Variants in LTBP2 observed in about 807,000 individuals in gnomAD.
The protein encoded by LTBP2 is latent transforming growth factor beta binding protein 2.
Under a neutral mutation model 210.6 loss-of-function variants are expected in LTBP2, and 103 were observed. That is an observed-to-expected ratio of 0.49 (90% CI 0.42 to 0.58). The LOEUF (loss-of-function observed/expected upper bound fraction) is 0.58. Ranked by LOEUF, LTBP2 falls within the 20% of genes least tolerant of loss-of-function variation. LTBP2 has a pLI of 0.00. For missense variants in LTBP2, 2,313 were observed against 2,494.5 expected (o/e 0.93, Z 1.55); for synonymous variants, 1,007 against 1,015.0 (o/e 0.99, Z 0.15).
At chr14:74,602,812 G>C (rs539232075) in intron 2 of LTBP2, among the ~76,000 whole-genome samples, 2 of 152,340 alleles carry the variant, frequency 1.3e-5, no homozygotes, top group South Asian at 2.1e-4. Flanking sequence ...AGCAGTCCAA[G>C]GGGAGACGGC....
In LTBP2 at chr14:74,551,124, T is replaced by C. The variant is rs1399901596; in HGVS notation, c.1626A>G (p.Pro542=). The C allele has an allele frequency of 6.2e-7, 1 of 1,613,866 alleles. No homozygotes were observed. The highest frequency in any genetic ancestry group is 8.5e-7 in the Non-Finnish European group (1 of 1,180,014). The part of the protein sequence containing the change: ...RSGEPPRPLP[P]AAPRPRGLLG... ...GCAGTCCTCGAGGCCTGGGTGCTGCTGGGGGCAGTGGCCGAGGGGGCTCTC... is the reference window on the plus strand; with the variant it reads ...GCAGTCCTCGAGGCCTGGGTGCTGCCGGGGGCAGTGGCCGAGGGGGCTCTC... The change falls in exon 7 of 36, where the codon CCA becomes CCG. Residue 542 remains proline, a synonymous_variant. Transcript: ENST00000261978.
rs2087208651 is a variant in LTBP2, at chr14:74,521,948, G to A, written c.2751C>T (p.Tyr917=). The change falls in exon 17 of 36, where the codon TAC becomes TAT. Residue 917 remains tyrosine, a synonymous_variant. Transcript: ENST00000261978. The part of the protein sequence containing the change: ...GSYSCFCYPG[Y]TLATSGATQE... ...GTGTCGCCCCTGAGGTGGCCAGAGT[G>A]TAGCCAGGGTAGCAGAAGCAGGAGT... The A allele has an allele frequency of 3.1e-6, 5 of 1,614,198 alleles. No homozygotes were observed. Among genetic ancestry groups the A allele is most frequent in the Non-Finnish European group, 1.7e-6 (2 of 1,180,018 alleles).
intron 8 of LTBP2, among the ~76,000 whole-genome samples, chr14:74,536,965 A>G (rs1277914530): frequency 6.6e-6 from 1 of 152,226 alleles, no homozygotes; most frequent in Non-Finnish European, 1.5e-5. Context: ...TATTACATAT[A>G]GTATCTACTA....
At chr14:74,523,826 A>G (rs770666082) in intron 15 of LTBP2, among the ~76,000 whole-genome samples, 15 of 151,316 alleles carry the variant, frequency 9.9e-5, no homozygotes, top group Non-Finnish European at 1.6e-4. Flanking sequence ...AGCTTGGGAG[A>G]AGCCGAAGAC....
At position 74,501,550 on chromosome 14, in the gene LTBP2, G is replaced by A. The variant is rs777241198; in HGVS notation, c.5211C>T (p.Cys1737=). 2.3e-5 allele frequency: 37 copies of A among 1,614,046 alleles called. No homozygotes were observed. Among genetic ancestry groups the A allele is most frequent in the African/African-American group, 4.0e-5 (3 of 74,936 alleles). ...CATTCTCACAGCCGTTCAGGATGCC[G>A]CACTCCTCCGCCTGAAGCCCTTCGA... ...AGFEGLQAEE[C]GILNGCENGR... is the part of the protein sequence containing the mutation. Residue 1737 remains cysteine, a synonymous_variant, in exon 35 of 36, where the codon TGC becomes TGT. Coordinates refer to ENST00000261978, the MANE Select transcript of LTBP2 (RefSeq NM_000428.3).
intron 3 of LTBP2, among the ~76,000 whole-genome samples, chr14:74,567,457 G>A (rs1466788815): frequency 6.6e-6 from 1 of 152,146 alleles, no homozygotes; most frequent in Admixed American, 6.5e-5. Flanking sequence ...GCCACCTCAG[G>A]GGCAGAGGCG....
chr14:74,506,553 TG>T, intron 27 of LTBP2, 144 bp downstream of exon 27: 4 of 1,348,330 alleles, frequency 3.0e-6, no homozygotes, highest in Non-Finnish European at 4.2e-6. Context: ...GGCGAGGAGT[TG>T]AAGTCTCCCT....
At chr14:74,609,523 G>T (rs1036110954) in intron 1 of LTBP2, among the ~76,000 whole-genome samples, 1 of 151,990 alleles carries the variant, frequency 6.6e-6, no homozygotes, top group Non-Finnish European at 1.5e-5. Context: ...ATGTCTCTAG[G>T]TTCCCCTACA....
Position 74,508,933 on chromosome 14 carries a change from G to T in LTBP2, c.3423C>A (p.Asp1141Glu), listed in dbSNP as rs745791013. 4.0e-5 allele frequency: 64 copies of T among 1,613,550 alleles called. No homozygotes were observed. The Admixed American group carries it at 4.3e-4, about 11-fold the overall frequency. Reference protein sequence around the residue: ...DSCEDVDECEDPQSSCLGGEC... With the variant: ...DSCEDVDECEEPQSSCLGGEC... ...CGCCTCCCAGGCAGCTGCTCTGGGG[G>T]TCTTCACATTCATCCACATCTGCAG... Residue 1141 changes from aspartate (D) to glutamate (E), a missense_variant, in exon 23 of 36, where the codon GAC becomes GAA. By Grantham distance (45) the Asp-to-Glu change is conservative. This residue lies in a region of LTBP2 where 1,867 missense variants were observed against 1,976.9 expected (regional missense o/e 0.94). Transcript: ENST00000261978.
chr14:74,525,815 T>C (rs2087264644), intron 14 of LTBP2, among the ~76,000 whole-genome samples: 1 of 152,222 alleles, frequency 6.6e-6, no homozygotes, highest in Non-Finnish European at 1.5e-5. Context: ...ATTTATGTGC[T>C]AAGTGGTGCC....
chr14:74,510,303 C>G, intron 19 of LTBP2, 90 bp from the exon 20 acceptor site: 1 of 1,580,610 alleles, frequency 6.3e-7, no homozygotes, highest in South Asian at 1.1e-5. Flanking sequence ...GTTATGAGGC[C>G]AGGGAACCAG....
intron 8 of LTBP2, among the ~76,000 whole-genome samples, 154 bp downstream of exon 8, chr14:74,549,708 AG>A (rs2087624763): frequency 6.6e-6 from 1 of 152,238 alleles, no homozygotes; most frequent in Admixed American, 6.5e-5. Flanking sequence ...AGTGCTGGCC[AG>A]AAACACCTTC....
intron 8 of LTBP2, among the ~76,000 whole-genome samples, chr14:74,542,881 C>T (rs1595264941): frequency 6.6e-6 from 1 of 151,996 alleles, no homozygotes; most frequent in East Asian, 2.0e-4. Context: ...ATTCTCCTGC[C>T]TCAGCCTCCT....
rs2139718435 is a variant in LTBP2 at position 74,528,480 on chromosome 14, T to C, written c.2368+3A>G. On this transcript the variant is annotated splice_donor_region_variant and intron_variant, in intron 12 of 35. Coordinates refer to ENST00000261978, the MANE Select transcript of LTBP2 (RefSeq NM_000428.3). ...CCTCAGGCATCTCCCCCAGCTCAGATACCCTTGTCAGGGATGGTCCCGGCC... is the reference window on the plus strand; with the variant it reads ...CCTCAGGCATCTCCCCCAGCTCAGACACCCTTGTCAGGGATGGTCCCGGCC... The C allele has an allele frequency of 6.2e-7, 1 of 1,611,794 alleles. No homozygotes were observed. The highest frequency in any genetic ancestry group is 8.5e-7 in the Non-Finnish European group (1 of 1,179,990).
intron 8 of LTBP2, among the ~76,000 whole-genome samples, chr14:74,537,284 C>T (rs2087433965): frequency 6.6e-6 from 1 of 152,146 alleles, no homozygotes; most frequent in African/African-American, 2.4e-5. Context: ...TACTTCTGAT[C>T]GCCACCTGTC....
At chr14:74,523,981 G>A (rs1250986996) in intron 15 of LTBP2, among the ~76,000 whole-genome samples, 1 of 152,146 alleles carries the variant, frequency 6.6e-6, no homozygotes, top group African/African-American at 2.4e-5. Context: ...TGGGGGTTGT[G>A]GGGGCCCTCA....
chr14:74,600,453 GC>G (rs138143448), intron 2 of LTBP2, among the ~76,000 whole-genome samples: 2,650 of 152,218 alleles, frequency 0.017, 80 homozygotes, highest in African/African-American at 0.061. Flanking sequence ...GCACAAGGAT[GC>G]CCCCACACAC....
At chr14:74,523,514 T>G (rs2087235173) in intron 15 of LTBP2, among the ~76,000 whole-genome samples, 1 of 151,888 alleles carries the variant, frequency 6.6e-6, no homozygotes, top group Non-Finnish European at 1.5e-5. Context: ...AGTGGGTCCT[T>G]AAAACCTGTT....
intron 3 of LTBP2, among the ~76,000 whole-genome samples, chr14:74,572,328 A>T (rs905086277): frequency 7.0e-6 from 1 of 143,168 alleles, no homozygotes; most frequent in African/African-American, 2.5e-5. Context: ...TGTGTGAGAG[A>T]GAGAGAGAGA....
Sources: allele counts gnomAD v4.1 joint callset (sites outside exome capture counted in the v4.1 genomes callset), GRCh38; gene constraint gnomAD v4.1.1; regional missense constraint gnomAD v4.1.1; transcripts MANE v1.5; gene names NCBI Gene and HGNC (gene_info 2026-07-23, HGNC 2026-07-21).